ZNF362: variants seen among roughly 807,000 people sequenced by gnomAD.
ZNF362 encodes the protein rotund homolog.
Under a neutral mutation model 42.9 loss-of-function variants are expected in ZNF362, and 11 were observed. The observed-to-expected ratio is 0.26, with a 90% confidence interval of 0.16 to 0.42. The LOEUF is 0.42. Ranked by LOEUF, ZNF362 falls within the 20% of genes least tolerant of loss-of-function variation. The pLI is 1.00. For missense variants in ZNF362, 362 were observed against 576.2 expected (o/e 0.63, Z 3.81); for synonymous variants, 255 against 257.3 (o/e 0.99, Z 0.09).
the ZNF362 span, among the ~76,000 whole-genome samples, chr1:33,230,432 A>C: frequency 1.3e-5 from 2 of 152,300 alleles, no homozygotes; most frequent in Middle Eastern, 3.4e-3. Context: ...CGTTTTACCA[A>C]GGAAAGGAAA....
chr1:33,271,781 G>C (rs146328199), intron 2 of ZNF362, among the ~76,000 whole-genome samples: 2 of 152,182 alleles, frequency 1.3e-5, no homozygotes, highest in African/African-American at 4.8e-5. Context: ...GAGCATCTGG[G>C]CAGATGTGCG....
intron 1 of ZNF362, among the ~76,000 whole-genome samples, chr1:33,260,755 C>T (rs1368750641): frequency 6.6e-6 from 1 of 152,140 alleles, no homozygotes; most frequent in African/African-American, 2.4e-5. Flanking sequence ...GATAAAGTTA[C>T]ACTGAGGGCT....
At chr1:33,147,682 AGGCGCTGGTGGGCTGTGCCCG>A in the ZNF362 span, 2 of 1,613,678 alleles carry the variant, frequency 1.2e-6, no homozygotes, top group Non-Finnish European at 1.7e-6. The surrounding 1 kb of genome is among the most constrained non-coding windows in gnomAD (Gnocchi z 8.1). Flanking sequence ...CGACAGGATC[AGGCGCTGGTGGGCTGTGCCCG>A]GGTCCAGGGT....
chr1:33,154,507 G>GT, the ZNF362 span, among the ~76,000 whole-genome samples: 9 of 149,412 alleles, frequency 6.0e-5, no homozygotes, highest in East Asian at 7.9e-4. Flanking sequence ...AATTAAATTT[G>GT]TTTTTTTTGA....
chr1:33,288,944 A>G (rs369086717), intron 6 of ZNF362, among the ~76,000 whole-genome samples: 10 of 152,068 alleles, frequency 6.6e-5, no homozygotes, highest in African/African-American at 2.2e-4. Context: ...CTAAAAGAAC[A>G]GGTAGCCTGG....
At chr1:33,198,196 A>G in the ZNF362 span, among the ~76,000 whole-genome samples, 1 of 152,224 alleles carries the variant, frequency 6.6e-6, no homozygotes. Flanking sequence ...AAGTGCAGAA[A>G]AATACTATGT....
chr1:33,137,605 G>C, the ZNF362 span, among the ~76,000 whole-genome samples: 10 of 152,136 alleles, frequency 6.6e-5, no homozygotes, highest in African/African-American at 1.9e-4. Context: ...ATCCCCAGAG[G>C]GGGGATCTTG....
the ZNF362 span, among the ~76,000 whole-genome samples, chr1:33,144,131 ACTTCTTTTTT>A: frequency 1.9e-5 from 1 of 53,382 alleles, no homozygotes; most frequent in Non-Finnish European, 4.0e-5. Context: ...CTTTAATGTT[ACTTCTTTTTT>A]TTTTTTTTTT....
the ZNF362 span, among the ~76,000 whole-genome samples, chr1:33,172,058 A>T: frequency 6.6e-6 from 1 of 152,224 alleles, no homozygotes; most frequent in African/African-American, 2.4e-5. Context: ...CTGTGATTAC[A>T]GGCATCAGCC....
the ZNF362 span, chr1:33,159,993 G>C: frequency 6.3e-7 from 1 of 1,580,230 alleles, no homozygotes; most frequent in African/African-American, 1.3e-5. This position sits in a 1 kb window ranked among gnomAD's most constrained non-coding sequence, Gnocchi z 4.2. Flanking sequence ...CAGATGGGGT[G>C]ATCTCTGGGT....
the ZNF362 span, chr1:33,196,119 C>T: frequency 6.6e-6 from 1 of 152,140 alleles, no homozygotes; most frequent in East Asian, 1.9e-4. Context: ...GTGGTCCACA[C>T]CTGTAATCCC....
the ZNF362 span, among the ~76,000 whole-genome samples, chr1:33,150,680 C>T: frequency 6.6e-6 from 1 of 152,310 alleles, no homozygotes; most frequent in South Asian, 2.1e-4. Flanking sequence ...TTGTCAGAAC[C>T]AGGGGGCCCC....
chr1:33,174,130 C>G, the ZNF362 span, among the ~76,000 whole-genome samples: 1 of 149,582 alleles, frequency 6.7e-6, no homozygotes, highest in African/African-American at 2.5e-5. Flanking sequence ...TCTTCTTCCC[C>G]CTTCTTCTCC....
chr1:33,149,523 T>C, the ZNF362 span, among the ~76,000 whole-genome samples: 3 of 152,172 alleles, frequency 2.0e-5, no homozygotes, highest in African/African-American at 7.2e-5. Context: ...AGTGTCATCA[T>C]AGCTCATTGG....
intron 1 of ZNF362, among the ~76,000 whole-genome samples, chr1:33,265,276 C>G (rs1386709856): frequency 6.7e-6 from 1 of 149,816 alleles, no homozygotes; most frequent in African/African-American, 2.5e-5. Flanking sequence ...CTCAGTGTCT[C>G]TGGGTAGCTG....
chr1:33,222,406 T>C, the ZNF362 span, among the ~76,000 whole-genome samples: 1 of 152,226 alleles, frequency 6.6e-6, no homozygotes, highest in Non-Finnish European at 1.5e-5. Flanking sequence ...CCAGCATCTC[T>C]CATCTACATT....
chr1:33,180,967 G>A, the ZNF362 span: 8 of 372,470 alleles, frequency 2.1e-5, no homozygotes, highest in African/African-American at 1.5e-4. Flanking sequence ...CCCACCCCCC[G>A]CCCGGCCCCA....
chr1:33,214,314 C>A, the ZNF362 span, among the ~76,000 whole-genome samples: 2 of 152,112 alleles, frequency 1.3e-5, no homozygotes, highest in Non-Finnish European at 1.5e-5. Context: ...TGAAAGTAGA[C>A]CCCTATCTCT....
chr1:33,274,547 G>T (rs970272309), intron 2 of ZNF362, among the ~76,000 whole-genome samples: 8 of 152,214 alleles, frequency 5.3e-5, no homozygotes, highest in African/African-American at 1.9e-4. Context: ...GCATCTTGGT[G>T]CCTGTGGATG....
Sources: allele counts gnomAD v4.1 joint callset (sites outside exome capture counted in the v4.1 genomes callset), GRCh38; gene constraint gnomAD v4.1.1; non-coding constraint Gnocchi (gnomAD v3.1); transcripts MANE v1.5; gene names NCBI Gene and HGNC (gene_info 2026-07-23, HGNC 2026-07-21).